Variants in LINGO2 observed in about 807,000 individuals in gnomAD.
LINGO2 encodes the protein leucine rich repeat and Ig domain containing 2.
LINGO2 carries 14 observed loss-of-function variants against 30.6 expected under a neutral mutation model. The observed-to-expected ratio is 0.46, with a 90% CI of 0.30 to 0.72. The LOEUF is 0.72. LINGO2 is among the 30% of genes least tolerant of loss of function. The probability of loss-of-function intolerance (pLI) is 0.07; values close to 1 mark genes in which losing one functional copy is unlikely to be tolerated. For synonymous variants in LINGO2, 317 were observed against 288.5 expected (o/e 1.10, Z -1.00); for missense variants, 729 against 751.7 (o/e 0.97, Z 0.35).
intron 4 of LINGO2, among the ~76,000 whole-genome samples, chr9:28,143,459 A>T (rs538122578): frequency 1.3e-5 from 2 of 152,286 alleles, no homozygotes; most frequent in East Asian, 3.9e-4. Flanking sequence ...GCCTGATAAA[A>T]TCACATCTGT....
chr9:28,227,220 C>T (rs536850435), intron 4 of LINGO2, among the ~76,000 whole-genome samples: 5 of 152,160 alleles, frequency 3.3e-5, no homozygotes, highest in Admixed American at 1.3e-4. Flanking sequence ...GCTGGCAGAA[C>T]AAGAAGTAAA....
the LINGO2 span, among the ~76,000 whole-genome samples, chr9:28,949,107 A>G: frequency 1.3e-5 from 2 of 152,118 alleles, no homozygotes; most frequent in African/African-American, 4.8e-5. Context: ...AACCTAAAGC[A>G]GTGTTTAGAG....
At chr9:28,001,861 T>A (rs1189672097) in intron 5 of LINGO2, among the ~76,000 whole-genome samples, 1 of 152,176 alleles carries the variant, frequency 6.6e-6, no homozygotes, top group African/African-American at 2.4e-5. Context: ...TCTAAGAAGA[T>A]CTACTCCAAG....
At chr9:28,225,323 G>C (rs977617725) in intron 4 of LINGO2, among the ~76,000 whole-genome samples, 1 of 152,006 alleles carries the variant, frequency 6.6e-6, no homozygotes, top group African/African-American at 2.4e-5. Flanking sequence ...TTATGTTCTT[G>C]GATGGTAAGT....
chr9:28,328,324 T>C (rs1484590968), intron 3 of LINGO2, among the ~76,000 whole-genome samples: 1 of 152,146 alleles, frequency 6.6e-6, no homozygotes. Flanking sequence ...ATATCTAACA[T>C]TATGGAAAGT....
chr9:28,174,921 T>TGTGAGAGAGAGA (rs962695032), intron 4 of LINGO2, among the ~76,000 whole-genome samples: 4 of 133,416 alleles, frequency 3.0e-5, no homozygotes, highest in African/African-American at 1.1e-4. Context: ...TGTGTGTGTG[T>TGTGAGAGAGAGA]GAGAGAGAGA....
chr9:28,231,971 T>C (rs1821371967), intron 4 of LINGO2, among the ~76,000 whole-genome samples: 1 of 152,164 alleles, frequency 6.6e-6, no homozygotes, highest in South Asian at 2.1e-4. Flanking sequence ...AATGTTTATA[T>C]TTAAAGTAAT....
chr9:28,346,884 C>A (rs191346689), intron 3 of LINGO2, among the ~76,000 whole-genome samples: 1 of 151,294 alleles, frequency 6.6e-6, no homozygotes, highest in Admixed American at 6.6e-5. Context: ...AATAGAGTTG[C>A]TTTTTTCTTG....
At chr9:28,999,082 T>C in the LINGO2 span, among the ~76,000 whole-genome samples, 2 of 152,128 alleles carry the variant, frequency 1.3e-5, no homozygotes, top group Admixed American at 6.5e-5. Context: ...GTAAATGAAG[T>C]TTAGTGATCA....
At chr9:29,011,543 A>G in the LINGO2 span, among the ~76,000 whole-genome samples, 1 of 152,220 alleles carries the variant, frequency 6.6e-6, no homozygotes, top group Non-Finnish European at 1.5e-5. Context: ...AGCAATGGTC[A>G]TCTTTTATAT....
At chr9:28,649,299 A>G (rs1194070557) in intron 1 of LINGO2, among the ~76,000 whole-genome samples, 2 of 151,830 alleles carry the variant, frequency 1.3e-5, no homozygotes, top group African/African-American at 4.8e-5. Flanking sequence ...AGTAGTAACC[A>G]TAGTACATAA....
At chr9:28,226,500 A>AT (rs997810918) in intron 4 of LINGO2, among the ~76,000 whole-genome samples, 63 of 151,790 alleles carry the variant, frequency 4.2e-4, no homozygotes, top group African/African-American at 1.3e-3. Flanking sequence ...TAAACAGAGG[A>AT]TTTTTTTTAA....
chr9:28,029,668 T>C (rs1046692193), intron 4 of LINGO2, among the ~76,000 whole-genome samples: 2 of 152,198 alleles, frequency 1.3e-5, no homozygotes, highest in East Asian at 1.9e-4. Context: ...TTTATTGAGA[T>C]AGTCAAAACT....
intron 1 of LINGO2, among the ~76,000 whole-genome samples, chr9:28,642,809 T>G (rs1395894789): frequency 6.6e-6 from 1 of 152,106 alleles, no homozygotes; most frequent in Non-Finnish European, 1.5e-5. Context: ...ACAGCTGGTG[T>G]GACCGTTAGA....
intron 1 of LINGO2, among the ~76,000 whole-genome samples, chr9:28,567,188 G>A (rs1222404478): frequency 6.6e-6 from 1 of 152,122 alleles, no homozygotes; most frequent in African/African-American, 2.4e-5. Flanking sequence ...TACACTGCTG[G>A]TGGCAATGCA....
intron 1 of LINGO2, among the ~76,000 whole-genome samples, chr9:28,564,410 T>A (rs1238859655): frequency 6.6e-6 from 1 of 152,120 alleles, no homozygotes; most frequent in African/African-American, 2.4e-5. Flanking sequence ...TCCAGTTTAC[T>A]TGAGTCACTT....
At chr9:28,710,616 C>T in the LINGO2 span, among the ~76,000 whole-genome samples, 11 of 152,124 alleles carry the variant, frequency 7.2e-5, no homozygotes, top group African/African-American at 2.6e-4. Context: ...CTTGGGATGA[C>T]TGGAACAGTC....
chr9:28,565,501 A>T (rs1012163745), intron 1 of LINGO2, among the ~76,000 whole-genome samples: 59 of 139,144 alleles, frequency 4.2e-4, no homozygotes, highest in African/African-American at 1.4e-3. Context: ...AATTATTTTT[A>T]TTTTTTTTTT....
chr9:29,169,468 A>C, the LINGO2 span, among the ~76,000 whole-genome samples: 2 of 152,146 alleles, frequency 1.3e-5, no homozygotes, highest in East Asian at 3.9e-4. Flanking sequence ...TGGGCAAAAG[A>C]CATACACAGA....
Sources: allele counts gnomAD v4.1 joint callset (sites outside exome capture counted in the v4.1 genomes callset), GRCh38; gene constraint gnomAD v4.1.1; transcripts MANE v1.5; gene names NCBI Gene and HGNC (gene_info 2026-07-23, HGNC 2026-07-21).